The following CROCC variants were observed in gnomAD, a reference collection of about 807,000 sequenced individuals.
CROCC encodes ciliary rootlet coiled-coil, rootletin.
In CROCC, 180 loss-of-function variants were observed where a neutral mutation model predicts 245.2. The observed-to-expected ratio is 0.73, with a 90% CI of 0.65 to 0.83. The LOEUF is 0.83. Ranked by LOEUF, CROCC falls within the 40% of genes least tolerant of loss-of-function variation. CROCC has a pLI of 0.00. For missense variants in CROCC, 2,688 were observed against 2,779.4 expected (o/e 0.97, Z 0.74); for synonymous variants, 1,205 against 1,241.6 (o/e 0.97, Z 0.62).
At chr1:16,946,135 G>T in intron 15 of CROCC, 124 bp from the exon 16 acceptor site, 2 of 1,073,968 alleles carry the variant, frequency 1.9e-6, no homozygotes, top group Non-Finnish European at 2.7e-6. Context: ...ATCTCACACT[G>T]TGTCCCCTCC....
chr1:16,930,447 G>A lies in CROCC; in HGVS notation c.702G>A (p.Gln234=). The part of the protein sequence containing the change: ...EEQQRSASLA[Q]VNAMLREQLD... ...CATTCAGGAGTGCCAGCCTGGCCCA[G>A]GTGAATGCCATGCTCCGAGAACAGC... The change falls in exon 7 of 37, where the codon CAG becomes CAA. Residue 234 remains glutamine (Q), a synonymous_variant. Coordinates refer to ENST00000375541, the MANE Select transcript of CROCC (RefSeq NM_014675.5). The A allele has an allele frequency of 2.5e-6, 4 of 1,611,988 alleles. No homozygotes were observed. Among genetic ancestry groups the A allele is most frequent in the Non-Finnish European group, 3.4e-6 (4 of 1,179,828 alleles).
chr1:16,929,914 G>C lies in CROCC; in HGVS notation c.420G>C (p.Gln140His), dbSNP rs753674078. Residue 140 changes from glutamine to histidine, a missense_variant, in exon 4 of 37, where the codon CAG (glutamine) becomes CAC (histidine). Physicochemically the swap from Gln to His is conservative, Grantham distance 24. Coordinates refer to ENST00000375541, the MANE Select transcript of CROCC (RefSeq NM_014675.5). ...ETQEPRGLVR[Q>H]SVELRRQLQE... Reference sequence around the variant, plus strand: ...AGGAGCCCAGGGGGCTGGTACGGCAGAGCGTGGAGTTGCGGAGGCAGCTGC... The same window carrying C: ...AGGAGCCCAGGGGGCTGGTACGGCACAGCGTGGAGTTGCGGAGGCAGCTGC... 6.3e-7 allele frequency: 1 copy of C among 1,589,304 alleles called. No individual in the cohort carries two copies.
chr1:16,968,548 A>G lies in CROCC; in HGVS notation c.5076+130A>G, dbSNP rs986773703. The G allele has an allele frequency of 5.1e-6, 5 of 981,538 alleles. No individual in the cohort carries two copies. In the South Asian group the frequency reaches 5.7e-5, roughly 11 times the overall value. 60.8% of individuals were successfully genotyped at this position (981,538 alleles called of 1,614,324 possible). On this transcript the variant is annotated intron_variant, in intron 31 of 36. Transcript: ENST00000375541. The stretch of plus-strand genomic sequence containing the variant: ...CACATCCCCATTTCACAGATGGACA[A>G]ATGGAGGCTGAGAGGTGATGTCATT...
Position 16,960,746 on chromosome 1 carries a change from G to C in CROCC, c.4033-12G>C. ...AGGTCTTGCCGACCTCCACCTCCTG[G>C]CATCACTCCAGCTCCAGGTAGCCCA... is the stretch of plus-strand genomic sequence containing the variant. On this transcript the variant is annotated splice_polypyrimidine_tract_variant and intron_variant, in intron 26 of 36. Coordinates refer to ENST00000375541, the MANE Select transcript of CROCC (RefSeq NM_014675.5). 6 of 1,505,276 alleles carry C rather than the reference G, an allele frequency of 4.0e-6. No homozygotes were observed. Among genetic ancestry groups the C allele is most frequent in the Non-Finnish European group, 5.3e-6 (6 of 1,130,548 alleles). 93.2% of individuals were successfully genotyped at this position (1,505,276 alleles called of 1,614,324 possible).
chr1:16,970,123 A>T (rs139698007), intron 33 of CROCC, 130 bp from the exon 34 acceptor site: 1 of 1,208,406 alleles, frequency 8.3e-7, no homozygotes, highest in African/African-American at 1.5e-5. Flanking sequence ...GTTTGGCTTC[A>T]GGTGACAATT....
intron 4 of CROCC, 37 bp from the exon 5 acceptor site, chr1:16,930,087 C>T: frequency 6.3e-7 from 1 of 1,575,866 alleles, no homozygotes; most frequent in Non-Finnish European, 8.6e-7. Context: ...TGCCCCGCCC[C>T]AACCCCTGGG....
At chr1:16,918,673 G>C (rs1286675460), upstream of CROCC, among the ~76,000 whole-genome samples, 2 of 152,184 alleles carry the variant, frequency 1.3e-5, no homozygotes, top group African/African-American at 4.8e-5. Flanking sequence ...CTGCCTAGAG[G>C]TAGAAGAGTG....
chr1:16,950,969 G>C lies in CROCC; in HGVS notation c.2853G>C (p.Leu951=). ...KETLTGELAG[L]RQQIIATQEK... ...CTCGTGCAGGGGAGTTGGCGGGCCT[G>C]CGGCAGCAAATAATAGCTACACAGG... Residue 951 remains leucine, a synonymous_variant, in exon 20 of 37, where the codon CTG becomes CTC. Coordinates refer to ENST00000375541, the MANE Select transcript of CROCC (RefSeq NM_014675.5). The C allele has an allele frequency of 6.4e-7, 1 of 1,565,438 alleles. No individual in the cohort carries two copies. The highest frequency in any genetic ancestry group is 8.6e-7 in the Non-Finnish European group (1 of 1,157,362).
chr1:16,950,604 T>C (rs2076142703), intron 19 of CROCC, among the ~76,000 whole-genome samples: 1 of 152,228 alleles, frequency 6.6e-6, no homozygotes, highest in Non-Finnish European at 1.5e-5. Context: ...GTGATCCACC[T>C]GCCCCAGCTT....
chr1:16,945,960 G>T (rs1295911562), intron 15 of CROCC, among the ~76,000 whole-genome samples: 1 of 152,290 alleles, frequency 6.6e-6, no homozygotes, highest in African/African-American at 2.4e-5. Context: ...TGCGCTGTCC[G>T]CTGCAGCCTG....
chr1:16,969,867 G>C lies in CROCC; in HGVS notation c.5384G>C (p.Arg1795Pro), dbSNP rs527905568. 1 of 1,611,842 alleles carries C rather than the reference G, an allele frequency of 6.2e-7. No homozygotes were observed. The highest frequency in any genetic ancestry group is 1.1e-5 in the South Asian group (1 of 90,788). ...SSLGEQVQTL[R>P]GEVADLELQR... ...CTGGGCGAGCAGGTGCAGACGTTGCGAGGCGAGGTGGCTGACCTGGAACTG... is the reference window on the plus strand; with the variant it reads ...CTGGGCGAGCAGGTGCAGACGTTGCCAGGCGAGGTGGCTGACCTGGAACTG... The change falls in exon 33 of 37, where the codon CGA (arginine) becomes CCA (proline). Residue 1795 changes from arginine (R) to proline (P), a missense_variant. This residue lies in a region of CROCC where 1,218 missense variants were observed against 1,286.3 expected (regional missense o/e 0.95). Transcript: ENST00000375541.
intron 15 of CROCC, among the ~76,000 whole-genome samples, chr1:16,945,879 A>G (rs1389561001): frequency 6.6e-6 from 1 of 152,278 alleles, no homozygotes; most frequent in African/African-American, 2.4e-5. Context: ...AGGGTCATCC[A>G]GTGCCTGAGA....
intron 12 of CROCC, among the ~76,000 whole-genome samples, chr1:16,939,633 G>C (rs2075878255): frequency 6.6e-6 from 1 of 152,228 alleles, no homozygotes; most frequent in Non-Finnish European, 1.5e-5. Flanking sequence ...AGTGTGCCTG[G>C]GGGTTTGTCT....
chr1:16,942,074 G>A (rs1159470263), intron 13 of CROCC, among the ~76,000 whole-genome samples: 8 of 152,190 alleles, frequency 5.3e-5, no homozygotes, highest in Admixed American at 2.0e-4. Flanking sequence ...GCAGTGGTGC[G>A]ATCTCATTTC....
intron 35 of CROCC, 127 bp from the exon 36 acceptor site, chr1:16,971,338 C>G (rs1283535517): frequency 1.2e-5 from 16 of 1,352,060 alleles, no homozygotes; most frequent in Non-Finnish European, 1.6e-5. Flanking sequence ...ATGGAAGACA[C>G]ACAAGGATCT....
In CROCC at chr1:16,936,739, C is replaced by A; in HGVS notation, c.1059C>A (p.Ala353=). 2 of 1,609,634 alleles carry A rather than the reference C, an allele frequency of 1.2e-6. No individual in the cohort carries two copies. Among genetic ancestry groups the A allele is most frequent in the Admixed American group, 1.7e-5 (1 of 59,556 alleles). ...GCCTACGGCTGGCAGAGAGCCGGGCCGAGGCAGCCCTGGAGAAACAGGCCC... is the reference window on the plus strand; with the variant it reads ...GCCTACGGCTGGCAGAGAGCCGGGCAGAGGCAGCCCTGGAGAAACAGGCCC... The part of the protein sequence containing the change: ...STGLRLAESR[A]EAALEKQALL... Residue 353 remains alanine, a synonymous_variant, in exon 9 of 37, where the codon GCC becomes GCA. Coordinates refer to ENST00000375541, the MANE Select transcript of CROCC (RefSeq NM_014675.5).
In CROCC at chr1:16,955,952, CT is replaced by C. The variant is rs1162874630; in HGVS notation, c.3705-44del. 1.9e-6 allele frequency: 3 copies of C among 1,547,204 alleles called. No individual in the cohort carries two copies. The Admixed American group carries it at 5.9e-5, about 30-fold the overall frequency. On this transcript the variant is annotated intron_variant, in intron 24 of 36. Transcript: ENST00000375541. ...GACGGCTTTTGTGTAGAGCCACTGACTACTCCCAGGACCCAGGGCAGCCCCT... is the reference window on the plus strand; with the variant it reads ...GACGGCTTTTGTGTAGAGCCACTGACACTCCCAGGACCCAGGGCAGCCCCT...
rs1570646010 is a variant in CROCC, at chr1:16,943,206, A to C, written c.1809-894A>C. Among the ~76,000 whole-genome samples the C allele has an allele frequency of 2.0e-5, 3 of 150,182 alleles. No homozygotes were observed. The South Asian group carries it at 6.3e-4, about 32-fold the overall frequency. On this transcript the variant is annotated intron_variant, in intron 13 of 36. Coordinates refer to ENST00000375541, the MANE Select transcript of CROCC (RefSeq NM_014675.5). The stretch of plus-strand genomic sequence containing the variant: ...GCAGCAAGCCGAGATCGTGCACTGC[A>C]CTCCAGCCTGGGCGACAGAGTGAGA...
chr1:16,923,122 A>C (rs548524550), intron 2 of CROCC, among the ~76,000 whole-genome samples: 1 of 152,392 alleles, frequency 6.6e-6, no homozygotes, highest in East Asian at 1.9e-4. Flanking sequence ...CCCAAGATAC[A>C]GGAAGAGGGC....
Sources: allele counts gnomAD v4.1 joint callset (sites outside exome capture counted in the v4.1 genomes callset), GRCh38; gene constraint gnomAD v4.1.1; regional missense constraint gnomAD v4.1.1; transcripts MANE v1.5; gene names NCBI Gene and HGNC (gene_info 2026-07-23, HGNC 2026-07-21).